WDR17: variants seen among roughly 807,000 people sequenced by gnomAD.
The protein encoded by WDR17 is WD repeat-containing protein 17.
In WDR17, 143 loss-of-function variants were observed where a neutral mutation model predicts 161.7. That is an observed-to-expected ratio of 0.88 (90% CI 0.77 to 1.02). The LOEUF is 1.02. Among genes scored for constraint, WDR17 ranks in the 50% least tolerant of loss-of-function variants. WDR17 has a pLI of 0.00. For synonymous variants in WDR17, 517 were observed against 515.6 expected, an observed-to-expected ratio of 1.00 and a Z score of -0.04; for missense variants, 1,469 against 1,520.9, an observed-to-expected ratio of 0.97 and a Z score of 0.57.
intron 1 of WDR17, among the ~76,000 whole-genome samples, chr4:176,086,666 A>G (rs1346470858): frequency 6.6e-6 from 1 of 151,738 alleles, no homozygotes; most frequent in Non-Finnish European, 1.5e-5. Context: ...TTGACTTTCA[A>G]CTATTCTGTA....
At chr4:176,128,067 C>T (rs895551659) in intron 5 of WDR17, among the ~76,000 whole-genome samples, 13 of 152,296 alleles carry the variant, frequency 8.5e-5, no homozygotes, top group East Asian at 1.9e-4. Context: ...GATAGACAGA[C>T]GCATTGTTTC....
intron 13 of WDR17, among the ~76,000 whole-genome samples, chr4:176,149,417 A>G (rs6837815): frequency 0.26 from 40,136 of 151,530 alleles, 5,542 homozygotes; most frequent in African/African-American, 0.33. Context: ...CTACAATCAC[A>G]TGCCACCACA....
intron 1 of WDR17, among the ~76,000 whole-genome samples, chr4:176,081,450 A>G (rs887126099): frequency 2.0e-5 from 3 of 152,012 alleles, no homozygotes; most frequent in African/African-American, 7.2e-5. Flanking sequence ...GGCCACCTAA[A>G]TCATAGGCAC....
rs933040034 is a variant in WDR17, at chr4:176,180,081, A to C, written c.*502A>C. 6.6e-6 allele frequency: 1 copy of C among 152,168 alleles called. No individual in the cohort carries two copies. The highest frequency in any genetic ancestry group is 2.4e-5 in the African/African-American group (1 of 41,436). The allele number at this position is 152,168 out of a possible 1,614,324, so 9.4% of individuals were successfully genotyped here. A position where few individuals can be genotyped will look rare whatever the true frequency, so the allele number is the denominator to read the frequency against. ...TTTATAAAATGCATAGTAAACCACT[A>C]ACGTTAGCTGTTTTAATAAAAGTTT... On this transcript the variant is annotated 3_prime_UTR_variant, in exon 29 of 29. Coordinates refer to ENST00000508596, the MANE Select transcript of WDR17 (RefSeq NM_181265.4).
At chr4:176,079,701 G>C (rs1734497468) in intron 1 of WDR17, among the ~76,000 whole-genome samples, 1 of 152,052 alleles carries the variant, frequency 6.6e-6, no homozygotes, top group Non-Finnish European at 1.5e-5. Flanking sequence ...TGGGTAACTT[G>C]TAAAGAAAAT....
At chr4:176,111,867 A>G (rs1268996803) in intron 2 of WDR17, among the ~76,000 whole-genome samples, 164 bp downstream of exon 2, 1 of 152,186 alleles carries the variant, frequency 6.6e-6, no homozygotes, top group Non-Finnish European at 1.5e-5. Context: ...TTTAAAAGTT[A>G]AACCTTTAGA....
At chr4:176,151,101 T>C (rs1397113646) in intron 16 of WDR17, among the ~76,000 whole-genome samples, 4 of 151,824 alleles carry the variant, frequency 2.6e-5, no homozygotes, top group Non-Finnish European at 5.9e-5. Flanking sequence ...CGTTAGAGCA[T>C]GGAGACAGTT....
chr4:176,114,657 A>C (rs1740305578), intron 2 of WDR17, among the ~76,000 whole-genome samples: 1 of 151,970 alleles, frequency 6.6e-6, no homozygotes, highest in African/African-American at 2.4e-5. Context: ...AAGATAAATA[A>C]GTAAACAAAT....
chr4:176,158,834 A>C (rs1748561024), intron 18 of WDR17, among the ~76,000 whole-genome samples: 1 of 152,200 alleles, frequency 6.6e-6, no homozygotes, highest in Non-Finnish European at 1.5e-5. Flanking sequence ...TGGTCTCTCC[A>C]CAACTCCTGC....
Position 176,156,074 on chromosome 4 carries a change from T to C in WDR17, c.2461-5T>C. The C allele has an allele frequency of 6.2e-7, 1 of 1,613,356 alleles. No individual in the cohort carries two copies. Among genetic ancestry groups the C allele is most frequent in the Non-Finnish European group, 8.5e-7 (1 of 1,179,670 alleles). Reference sequence around the variant, plus strand: ...TGCTCCTGCCCTTTTTGCCTTCTATTGTAGTGGGACAAAGCCCTGTCAATT... The same window carrying C: ...TGCTCCTGCCCTTTTTGCCTTCTATCGTAGTGGGACAAAGCCCTGTCAATT... On this transcript the variant is annotated splice_region_variant and splice_polypyrimidine_tract_variant and intron_variant, in intron 17 of 28. Coordinates refer to ENST00000508596, the MANE Select transcript of WDR17 (RefSeq NM_181265.4).
chr4:176,105,620 A>C (rs1738591635), intron 1 of WDR17, among the ~76,000 whole-genome samples: 1 of 152,166 alleles, frequency 6.6e-6, no homozygotes, highest in South Asian at 2.1e-4. Context: ...CAACCAATGG[A>C]TGAAAGAAGA....
At chr4:176,166,800 C>CA (rs1749841413) in intron 22 of WDR17, among the ~76,000 whole-genome samples, 1 of 152,136 alleles carries the variant, frequency 6.6e-6, no homozygotes, top group South Asian at 2.1e-4. Context: ...ACTACTCTAA[C>CA]TTGGAACCTG....
chr4:176,086,654 C>A (rs1281944468), intron 1 of WDR17, among the ~76,000 whole-genome samples: 1 of 151,680 alleles, frequency 6.6e-6, no homozygotes, highest in Non-Finnish European at 1.5e-5. Context: ...ATTTTCTGAT[C>A]TTTGACTTTC....
At chr4:176,164,996 G>C (rs533634065) in intron 22 of WDR17, among the ~76,000 whole-genome samples, 1 of 148,000 alleles carries the variant, frequency 6.8e-6, no homozygotes, top group East Asian at 2.0e-4. Flanking sequence ...GTCATCATCA[G>C]ATGAAAGGGG....
intron 20 of WDR17, 126 bp downstream of exon 20, chr4:176,161,128 A>T (rs1191296287): frequency 1.6e-6 from 1 of 629,990 alleles, no homozygotes; most frequent in East Asian, 3.0e-5. Flanking sequence ...CGCATTCCTC[A>T]CCATGATCCA....
intron 1 of WDR17, among the ~76,000 whole-genome samples, chr4:176,101,739 T>C (rs1354988564): frequency 1.3e-5 from 2 of 152,018 alleles, no homozygotes; most frequent in Non-Finnish European, 2.9e-5. Context: ...TATACTCAAC[T>C]GATATTTGAT....
chr4:176,122,250 C>T (rs1163463285), intron 4 of WDR17, among the ~76,000 whole-genome samples: 1 of 152,108 alleles, frequency 6.6e-6, no homozygotes, highest in Non-Finnish European at 1.5e-5. Context: ...CAAAATTTTC[C>T]CTTTTATAAA....
intron 3 of WDR17, among the ~76,000 whole-genome samples, chr4:176,117,601 G>A (rs1740848114): frequency 6.6e-6 from 1 of 151,968 alleles, no homozygotes; most frequent in Admixed American, 6.6e-5. Context: ...ATCCATTCAT[G>A]GGGGAAGATT....
chr4:176,081,545 A>G (rs546134806), intron 1 of WDR17, among the ~76,000 whole-genome samples: 2 of 152,160 alleles, frequency 1.3e-5, no homozygotes, highest in East Asian at 3.9e-4. Context: ...ATTTGTGTCT[A>G]TTAGAAATGA....
Sources: gnomAD v4.1 joint callset for allele counts (sites outside exome capture counted in the v4.1 genomes callset) on GRCh38, gnomAD v4.1.1 for gene constraint, MANE v1.5 for transcripts, NCBI Gene and HGNC (gene_info 2026-07-23, HGNC 2026-07-21) for gene names.